Variants in ZBTB20 observed in about 807,000 individuals in gnomAD.
ZBTB20 encodes the protein zinc finger and BTB domain-containing protein 20.
Under a neutral mutation model 56.9 loss-of-function variants are expected in ZBTB20, and 9 were observed. The ratio of observed to expected loss-of-function variants is 0.16; its 90% CI spans 0.10 to 0.28. The LOEUF is 0.28. Ranked by LOEUF, ZBTB20 falls within the 10% of genes least tolerant of loss-of-function variation. The pLI is 1.00. For missense variants in ZBTB20, 655 were observed against 1,003.0 expected (o/e 0.65, Z 4.69); for synonymous variants, 417 against 420.7 (o/e 0.99, Z 0.11).
At chr3:114,633,348 T>C (rs2059072502) in intron 6 of ZBTB20, among the ~76,000 whole-genome samples, 1 of 152,214 alleles carries the variant, frequency 6.6e-6, no homozygotes, top group African/African-American at 2.4e-5. Flanking sequence ...TGAAACATTG[T>C]ACACTGTATC....
intron 6 of ZBTB20, among the ~76,000 whole-genome samples, chr3:114,506,344 C>A (rs563004161): frequency 2.0e-5 from 3 of 152,174 alleles, no homozygotes; most frequent in African/African-American, 7.2e-5. Flanking sequence ...ACTGCTTCTG[C>A]GCCTGAGACA....
At chr3:114,964,626 C>T (rs960265742) in intron 3 of ZBTB20, among the ~76,000 whole-genome samples, 1 of 152,116 alleles carries the variant, frequency 6.6e-6, no homozygotes, top group Non-Finnish European at 1.5e-5. Flanking sequence ...ATGGCATCCA[C>T]AGTGTATTTA....
intron 2 of ZBTB20, among the ~76,000 whole-genome samples, chr3:115,041,573 C>G (rs2081143742): frequency 6.6e-6 from 1 of 152,110 alleles, no homozygotes; most frequent in African/African-American, 2.4e-5. Flanking sequence ...CCCATGGTTT[C>G]TGACAATTAT....
chr3:115,130,109 C>T (rs1371319122), intron 1 of ZBTB20, among the ~76,000 whole-genome samples: 1 of 152,086 alleles, frequency 6.6e-6, no homozygotes, highest in Non-Finnish European at 1.5e-5. Context: ...GATTGTGTAA[C>T]TGAGGAAAAT....
chr3:114,538,334 C>T (rs2048720369), intron 6 of ZBTB20, among the ~76,000 whole-genome samples: 1 of 152,060 alleles, frequency 6.6e-6, no homozygotes, highest in Admixed American at 6.6e-5. Context: ...CAATGTTTTC[C>T]ACAATTCTTC....
chr3:114,568,670 G>T (rs1403035741), intron 6 of ZBTB20, among the ~76,000 whole-genome samples: 1 of 152,156 alleles, frequency 6.6e-6, no homozygotes, highest in African/African-American at 2.4e-5. Context: ...TCTCATGGAT[G>T]TTATCAATAC....
At chr3:114,618,400 G>GC (rs1184380617) in intron 6 of ZBTB20, among the ~76,000 whole-genome samples, 2 of 151,728 alleles carry the variant, frequency 1.3e-5, no homozygotes, top group Non-Finnish European at 2.9e-5. Context: ...GGGACTACAG[G>GC]CATGTGCCAT....
chr3:114,508,256 T>G (rs529653423), intron 6 of ZBTB20, among the ~76,000 whole-genome samples: 1 of 152,260 alleles, frequency 6.6e-6, no homozygotes, highest in South Asian at 2.1e-4. Flanking sequence ...GACTCACAGA[T>G]AAGGTCTAAC....
intron 5 of ZBTB20, among the ~76,000 whole-genome samples, chr3:114,748,302 CT>C (rs1261404096): frequency 7.4e-6 from 1 of 135,596 alleles, no homozygotes; most frequent in Non-Finnish European, 1.6e-5. Flanking sequence ...TTCTTTCTTT[CT>C]TTCTTTCTTT....
chr3:115,130,549 C>A (rs557082533), intron 1 of ZBTB20, among the ~76,000 whole-genome samples: 1 of 152,256 alleles, frequency 6.6e-6, no homozygotes, highest in South Asian at 2.1e-4. Context: ...AACTACAAAT[C>A]ATTTGTAGAT....
intron 5 of ZBTB20, among the ~76,000 whole-genome samples, chr3:114,748,279 C>CCTCTTTCT (rs1553807145): frequency 9.6e-6 from 1 of 104,422 alleles, no homozygotes; most frequent in Non-Finnish European, 2.0e-5. Context: ...TTTGTTGTAG[C>CCTCTTTCT]TTCTTTCTTT....
chr3:114,541,909 A>G (rs2049157806), intron 6 of ZBTB20, among the ~76,000 whole-genome samples: 1 of 152,166 alleles, frequency 6.6e-6, no homozygotes. Flanking sequence ...GAACGAGTGA[A>G]GTAATATATG....
intron 6 of ZBTB20, among the ~76,000 whole-genome samples, chr3:114,527,983 C>A (rs1007889952): frequency 6.7e-6 from 1 of 150,322 alleles, no homozygotes; most frequent in African/African-American, 2.5e-5. Context: ...TTGTGTCTTT[C>A]CCTTCATAAT....
intron 5 of ZBTB20, among the ~76,000 whole-genome samples, chr3:114,789,822 A>G (rs1560253508): frequency 6.6e-6 from 1 of 152,168 alleles, no homozygotes; most frequent in Non-Finnish European, 1.5e-5. Context: ...AGAAGAAGAT[A>G]AACAGGTAAA....
At chr3:114,416,154 C>T (rs528671146) in intron 7 of ZBTB20, among the ~76,000 whole-genome samples, 3 of 152,032 alleles carry the variant, frequency 2.0e-5, no homozygotes, top group East Asian at 1.9e-4. Flanking sequence ...AATTTGCCCA[C>T]GTATGGTACA....
chr3:115,011,275 A>G (rs142586472), intron 2 of ZBTB20, among the ~76,000 whole-genome samples: 203 of 152,050 alleles, frequency 1.3e-3, no homozygotes, highest in African/African-American at 4.7e-3. Context: ...AACCCTAGAG[A>G]AATATATCAA....
At position 115,124,682 on chromosome 3, in the gene ZBTB20, C is replaced by T. The variant is rs533962135; in HGVS notation, c.-703+22537G>A. Among the ~76,000 whole-genome samples, 8 of 152,204 alleles carry T rather than the reference C, an allele frequency of 5.3e-5. No homozygotes were observed. The East Asian group carries it at 1.3e-3, about 26-fold the overall frequency. ...ACAGAAAACAGAGCCTATAAACAGG[C>T]CCTTGCAGATACAGACCCCTGACAG... On this transcript the variant is annotated intron_variant, in intron 1 of 11. Transcript: ENST00000675478.
At chr3:114,683,176 C>T (rs1323715507) in intron 6 of ZBTB20, among the ~76,000 whole-genome samples, 2 of 152,110 alleles carry the variant, frequency 1.3e-5, no homozygotes, top group Non-Finnish European at 2.9e-5. Flanking sequence ...TCAGTCCAGA[C>T]TGGGACATTT....
intron 6 of ZBTB20, among the ~76,000 whole-genome samples, chr3:114,582,843 C>T (rs998482321): frequency 5.3e-5 from 8 of 152,190 alleles, no homozygotes; most frequent in African/African-American, 1.9e-4. Flanking sequence ...AACATGCCTA[C>T]AAAGTGATTA....
Sources: gnomAD v4.1 joint callset for allele counts (sites outside exome capture counted in the v4.1 genomes callset) on GRCh38, gnomAD v4.1.1 for gene constraint, MANE v1.5 for transcripts, NCBI Gene and HGNC (gene_info 2026-07-23, HGNC 2026-07-21) for gene names.